OSBPL9: variants seen among roughly 807,000 people sequenced by gnomAD.
The protein encoded by OSBPL9 is oxysterol-binding protein-related protein 9.
In OSBPL9, 40 loss-of-function variants were observed where a neutral mutation model predicts 106.6. The observed-to-expected ratio is 0.38, with a 90% confidence interval of 0.29 to 0.49. The LOEUF (loss-of-function observed/expected upper bound fraction) is 0.49, where lower values mean the gene tolerates loss of function less well. Ranked by LOEUF, OSBPL9 falls within the 20% of genes least tolerant of loss-of-function variation. OSBPL9 has a pLI of 0.97. For missense variants in OSBPL9, 609 were observed against 887.2 expected, an observed-to-expected ratio of 0.69 and a Z score of 3.98; for synonymous variants, 269 against 295.4, an observed-to-expected ratio of 0.91 and a Z score of 0.92.
intron 4 of OSBPL9, among the ~76,000 whole-genome samples, chr1:51,727,170 G>A (rs1014590271): frequency 1.5e-5 from 2 of 136,726 alleles, no homozygotes; most frequent in African/African-American, 5.5e-5. Flanking sequence ...TTAGAGAACC[G>A]TTTGATCAGC....
At chr1:51,750,599 C>T (rs186894306) in intron 8 of OSBPL9, among the ~76,000 whole-genome samples, 17 of 152,130 alleles carry the variant, frequency 1.1e-4, no homozygotes, top group Non-Finnish European at 7.4e-5. Flanking sequence ...GGATTTTTTT[C>T]TGGTAGTGAA....
At position 51,749,772 on chromosome 1, in the gene OSBPL9, C is replaced by T. The variant is rs181485372; in HGVS notation, c.493-373C>T. On this transcript the variant is annotated intron_variant, in intron 7 of 23. Coordinates refer to ENST00000428468, the MANE Select transcript of OSBPL9 (RefSeq NM_024586.6). ...GTGCCAGCTACTCGGGAGGCTGAGA[C>T]GGGGATCGCTTGAGCCTCTGAGTTT... Among the ~76,000 whole-genome samples the T allele has an allele frequency of 1.4e-4, 21 of 151,290 alleles. No homozygotes were observed. The East Asian group carries it at 2.5e-3, about 18-fold the overall frequency.
At chr1:51,780,679 T>C (rs1000802535) in intron 15 of OSBPL9, among the ~76,000 whole-genome samples, 1 of 151,998 alleles carries the variant, frequency 6.6e-6, no homozygotes, top group African/African-American at 2.4e-5. Context: ...AGGCAGAGAA[T>C]TGCTTGAACC....
At chr1:51,607,143 T>TTTTTC (rs1049598996) in intron 2 of OSBPL9, among the ~76,000 whole-genome samples, 1 of 151,198 alleles carries the variant, frequency 6.6e-6, no homozygotes, top group African/African-American at 2.4e-5. Flanking sequence ...ACTACAGATG[T>TTTTTC]TTTTCTTTTC....
intron 8 of OSBPL9, among the ~76,000 whole-genome samples, chr1:51,753,117 T>C (rs1200656690): frequency 6.6e-6 from 1 of 152,238 alleles, no homozygotes; most frequent in Non-Finnish European, 1.5e-5. Flanking sequence ...TGTGCTGTGA[T>C]GACCATCCCT....
chr1:51,673,651 T>G (rs886383186), intron 3 of OSBPL9, among the ~76,000 whole-genome samples: 13 of 152,158 alleles, frequency 8.5e-5, no homozygotes, highest in African/African-American at 3.1e-4. Flanking sequence ...TGATGAGACC[T>G]TAAATAGATT....
upstream of OSBPL9, among the ~76,000 whole-genome samples, chr1:51,615,757 T>G (rs1005271210): frequency 1.1e-4 from 17 of 152,158 alleles, no homozygotes; most frequent in African/African-American, 4.1e-4. Flanking sequence ...CATATCTAAG[T>G]TTAAAGCCAC....
At chr1:51,727,131 C>CTTTT (rs34741660) in intron 4 of OSBPL9, among the ~76,000 whole-genome samples, 5 of 107,332 alleles carry the variant, frequency 4.7e-5, no homozygotes, top group Non-Finnish European at 7.6e-5. Context: ...GAGATGTAGG[C>CTTTT]TTTTTTTTTT....
chr1:51,663,110 T>A (rs1647484573), intron 2 of OSBPL9, among the ~76,000 whole-genome samples: 1 of 151,996 alleles, frequency 6.6e-6, no homozygotes, highest in Non-Finnish European at 1.5e-5. Flanking sequence ...ATGGAGAACA[T>A]TTATAATAGC....
intron 4 of OSBPL9, among the ~76,000 whole-genome samples, chr1:51,715,249 G>A (rs1660817796): frequency 6.6e-6 from 1 of 152,108 alleles, no homozygotes; most frequent in Non-Finnish European, 1.5e-5. Context: ...GTTATTAGGG[G>A]ACTTTAAGAA....
the OSBPL9 span, among the ~76,000 whole-genome samples, chr1:51,548,466 A>G: frequency 1.3e-5 from 2 of 152,030 alleles, no homozygotes; most frequent in African/African-American, 2.4e-5. Flanking sequence ...GCATCATCTC[A>G]GCTCACTGAA....
intron 1 of OSBPL9, among the ~76,000 whole-genome samples, chr1:51,579,959 GT>G: frequency 6.6e-6 from 1 of 152,170 alleles, no homozygotes; most frequent in Non-Finnish European, 1.5e-5. Flanking sequence ...GTCTGGTTTT[GT>G]AGTGTTTCTG....
chr1:51,763,075 G>A (rs1163118429), intron 11 of OSBPL9, among the ~76,000 whole-genome samples: 1 of 152,002 alleles, frequency 6.6e-6, no homozygotes, highest in East Asian at 1.9e-4. Flanking sequence ...GCACTGTCTC[G>A]ACTCACTGCA....
At chr1:51,743,061 C>T (rs982548637) in intron 4 of OSBPL9, among the ~76,000 whole-genome samples, 1 of 152,178 alleles carries the variant, frequency 6.6e-6, no homozygotes. Flanking sequence ...TTGTTAACTA[C>T]TTGTTCATGT....
chr1:51,657,795 C>G (rs769970729), intron 2 of OSBPL9, among the ~76,000 whole-genome samples: 2 of 152,036 alleles, frequency 1.3e-5, no homozygotes, highest in Non-Finnish European at 2.9e-5. Flanking sequence ...GGAGACATGA[C>G]AACATTAAAG....
At chr1:51,636,562 T>C (rs1434060284) in intron 1 of OSBPL9, among the ~76,000 whole-genome samples, 1 of 152,052 alleles carries the variant, frequency 6.6e-6, no homozygotes, top group African/African-American at 2.4e-5. Flanking sequence ...GGTCTTGAAC[T>C]TGTGAGCCCA....
intron 4 of OSBPL9, among the ~76,000 whole-genome samples, chr1:51,720,383 T>C (rs1194669936): frequency 6.6e-6 from 1 of 151,698 alleles, no homozygotes; most frequent in African/African-American, 2.4e-5. Flanking sequence ...TGGAGTGCAA[T>C]GGTGTGATCT....
chr1:51,590,417 G>A (rs1471919355), intron 1 of OSBPL9, among the ~76,000 whole-genome samples: 1 of 151,674 alleles, frequency 6.6e-6, no homozygotes, highest in East Asian at 1.9e-4. Flanking sequence ...TCAGGAGATC[G>A]AGACCATCCT....
intron 2 of OSBPL9, among the ~76,000 whole-genome samples, chr1:51,654,086 G>A (rs989245354): frequency 1.3e-5 from 2 of 151,858 alleles, no homozygotes; most frequent in Non-Finnish European, 2.9e-5. Context: ...TTTACTGATT[G>A]CACGGTGGTG....
Sources: allele counts gnomAD v4.1 joint callset (sites outside exome capture counted in the v4.1 genomes callset), GRCh38; gene constraint gnomAD v4.1.1; transcripts MANE v1.5; gene names NCBI Gene and HGNC (gene_info 2026-07-23, HGNC 2026-07-21).